SEMA5A: variants seen among roughly 807,000 people sequenced by gnomAD.
SEMA5A encodes semaphorin 5A.
A neutral mutation model predicts 135.5 loss-of-function variants in SEMA5A; 55 were observed. The observed-to-expected ratio is 0.41, with a 90% confidence interval of 0.33 to 0.51. The LOEUF (loss-of-function observed/expected upper bound fraction) is 0.51. SEMA5A is among the 20% of genes least tolerant of loss of function. SEMA5A has a pLI of 0.37. For synonymous variants in SEMA5A, 580 were observed against 546.5 expected (o/e 1.06, Z -0.85); for missense variants, 1,290 against 1,419.9 (o/e 0.91, Z 1.47).
chr5:9,246,322 G>T (rs923553326), intron 5 of SEMA5A, among the ~76,000 whole-genome samples: 1 of 152,114 alleles, frequency 6.6e-6, no homozygotes, highest in South Asian at 2.1e-4. Flanking sequence ...ATCAAGCAGG[G>T]ATAAAAGTAT....
intron 16 of SEMA5A, among the ~76,000 whole-genome samples, chr5:9,096,890 A>G (rs1239396778): frequency 1.3e-5 from 2 of 152,150 alleles, no homozygotes; most frequent in Non-Finnish European, 2.9e-5. Flanking sequence ...AACCACTATG[A>G]GATGTCACCT....
intron 5 of SEMA5A, among the ~76,000 whole-genome samples, chr5:9,312,782 T>C (rs1271943711): frequency 6.6e-6 from 1 of 152,198 alleles, no homozygotes; most frequent in Non-Finnish European, 1.5e-5. Context: ...TGAAGTACTG[T>C]TGACTCCATG....
At chr5:9,259,499 T>C (rs1385243586) in intron 5 of SEMA5A, among the ~76,000 whole-genome samples, 2 of 150,576 alleles carry the variant, frequency 1.3e-5, no homozygotes, top group East Asian at 2.0e-4. Context: ...GGAATAGGTG[T>C]GGTGTGGTGC....
At chr5:9,223,761 G>A (rs905109761) in intron 8 of SEMA5A, among the ~76,000 whole-genome samples, 2 of 152,160 alleles carry the variant, frequency 1.3e-5, no homozygotes, top group Admixed American at 1.3e-4. Flanking sequence ...ATGTGTATGT[G>A]CGTGTGTGTG....
chr5:9,217,984 A>AT (rs1430222753), intron 8 of SEMA5A, among the ~76,000 whole-genome samples: 7 of 152,170 alleles, frequency 4.6e-5, no homozygotes, highest in Non-Finnish European at 1.0e-4. Context: ...CTTATAAATG[A>AT]GAGGTAAATG....
At chr5:9,330,372 AGAGC>A (rs1579356372) in intron 4 of SEMA5A, among the ~76,000 whole-genome samples, 1 of 149,572 alleles carries the variant, frequency 6.7e-6, no homozygotes, top group African/African-American at 2.5e-5. Flanking sequence ...CCTGGGCGAC[AGAGC>A]GAGACTCTGT....
At chr5:9,417,092 T>C (rs879612675) in intron 2 of SEMA5A, among the ~76,000 whole-genome samples, 3 of 152,254 alleles carry the variant, frequency 2.0e-5, no homozygotes, top group Non-Finnish European at 2.9e-5. Context: ...CCTACACAGA[T>C]TTTCTCTTTA....
At chr5:9,355,484 C>T (rs1754400326) in intron 3 of SEMA5A, among the ~76,000 whole-genome samples, 1 of 152,156 alleles carries the variant, frequency 6.6e-6, no homozygotes, top group African/African-American at 2.4e-5. Context: ...CTGAGGATAA[C>T]ACCCGAGATT....
At chr5:9,248,183 G>A (rs1561068877) in intron 5 of SEMA5A, among the ~76,000 whole-genome samples, 1 of 152,144 alleles carries the variant, frequency 6.6e-6, no homozygotes, top group Non-Finnish European at 1.5e-5. Context: ...CATTTCAAGT[G>A]TGAGAATAAG....
intron 1 of SEMA5A, among the ~76,000 whole-genome samples, chr5:9,470,433 T>C (rs1022698724): frequency 2.6e-5 from 4 of 152,198 alleles, no homozygotes; most frequent in Non-Finnish European, 5.9e-5. Flanking sequence ...ATAAAGATCA[T>C]TGAATTTCCA....
At chr5:9,256,317 A>T (rs1356730892) in intron 5 of SEMA5A, among the ~76,000 whole-genome samples, 1 of 152,126 alleles carries the variant, frequency 6.6e-6, no homozygotes, top group Non-Finnish European at 1.5e-5. Flanking sequence ...CCCGTGTGTC[A>T]CCATTCCTCT....
intron 2 of SEMA5A, among the ~76,000 whole-genome samples, chr5:9,427,947 CTCTA>C (rs1177414130): frequency 1.3e-5 from 2 of 152,118 alleles, no homozygotes; most frequent in African/African-American, 4.8e-5. Flanking sequence ...ATAAGGCTTT[CTCTA>C]TCTGTTTCTA....
intron 12 of SEMA5A, among the ~76,000 whole-genome samples, chr5:9,145,262 C>T (rs1421703747): frequency 6.6e-6 from 1 of 152,168 alleles, no homozygotes; most frequent in Non-Finnish European, 1.5e-5. Context: ...AACATAGCCT[C>T]TCTCTCTTTA....
intron 11 of SEMA5A, among the ~76,000 whole-genome samples, chr5:9,160,961 G>T (rs1008506898): frequency 2.6e-5 from 4 of 152,054 alleles, no homozygotes; most frequent in South Asian, 2.1e-4. Flanking sequence ...AGGACAAAAA[G>T]AAATTACCCC....
chr5:9,091,010 T>G (rs745543787), intron 16 of SEMA5A, among the ~76,000 whole-genome samples: 49 of 152,188 alleles, frequency 3.2e-4, no homozygotes, highest in Middle Eastern at 3.2e-3. Flanking sequence ...TGTAGAAAGC[T>G]TATCATTTTT....
chr5:9,340,522 G>T (rs573754771), intron 3 of SEMA5A, among the ~76,000 whole-genome samples: 278 of 152,284 alleles, frequency 1.8e-3, no homozygotes, highest in African/African-American at 6.5e-3. Flanking sequence ...ACATACATCA[G>T]GTTTTGGTCC....
chr5:9,487,895 C>A (rs1167219831), intron 1 of SEMA5A, among the ~76,000 whole-genome samples: 1 of 152,126 alleles, frequency 6.6e-6, no homozygotes, highest in Non-Finnish European at 1.5e-5. Context: ...AACTCATACC[C>A]CTACTGAACT....
At chr5:9,376,237 G>A (rs976258558) in intron 3 of SEMA5A, among the ~76,000 whole-genome samples, 14 of 152,236 alleles carry the variant, frequency 9.2e-5, no homozygotes, top group African/African-American at 3.1e-4. Flanking sequence ...CACTTGCCAT[G>A]TGAGCCTCAT....
chr5:9,273,275 A>G (rs1750081940), intron 5 of SEMA5A, among the ~76,000 whole-genome samples: 1 of 152,170 alleles, frequency 6.6e-6, no homozygotes, highest in Admixed American at 6.5e-5. Context: ...AAAGGTGAAG[A>G]CAAGATTAGA....
Sources: gnomAD v4.1 joint callset for allele counts (sites outside exome capture counted in the v4.1 genomes callset) on GRCh38, gnomAD v4.1.1 for gene constraint, MANE v1.5 for transcripts, NCBI Gene and HGNC (gene_info 2026-07-23, HGNC 2026-07-21) for gene names.